GSE1: variants seen among roughly 807,000 people sequenced by gnomAD.
GSE1 encodes Gse1 coiled-coil protein.
Under a neutral mutation model 112.6 loss-of-function variants are expected in GSE1, and 32 were observed. The ratio of observed to expected loss-of-function variants is 0.28; its 90% CI spans 0.21 to 0.38. The LOEUF (loss-of-function observed/expected upper bound fraction) is 0.38, where lower values mean the gene tolerates loss of function less well. GSE1 is among the 10% of genes least tolerant of loss of function. GSE1 has a pLI of 1.00. For missense variants in GSE1, 2,348 were observed against 1,699.2 expected, an observed-to-expected ratio of 1.38 and a Z score of -6.71; for synonymous variants, 1,115 against 735.6, an observed-to-expected ratio of 1.52 and a Z score of -8.35.
intron 1 of GSE1, among the ~76,000 whole-genome samples, chr16:85,304,601 CG>C (rs1290541396): frequency 2.6e-5 from 2 of 78,180 alleles, no homozygotes; most frequent in East Asian, 9.0e-4. Flanking sequence ...AAGCCGGGGG[CG>C]GGGGGGTGGG....
intron 2 of GSE1, among the ~76,000 whole-genome samples, chr16:85,545,827 G>C (rs2044675846): frequency 6.6e-6 from 1 of 152,188 alleles, no homozygotes; most frequent in Admixed American, 6.5e-5. Context: ...CTGTCGCCCA[G>C]GCTGGAGTAC....
intron 2 of GSE1, among the ~76,000 whole-genome samples, chr16:85,546,256 A>G (rs1483299505): frequency 6.6e-6 from 1 of 151,662 alleles, no homozygotes; most frequent in Non-Finnish European, 1.5e-5. Flanking sequence ...AGCTAATTTT[A>G]GTATTTCTTA....
At chr16:85,475,901 G>A (rs1440622618) in intron 2 of GSE1, among the ~76,000 whole-genome samples, 4 of 151,736 alleles carry the variant, frequency 2.6e-5, no homozygotes, top group African/African-American at 9.7e-5. Flanking sequence ...TAGCATTACA[G>A]GTGTGAGCCA....
rs903158700 is a variant in GSE1 at position 85,673,474 on chromosome 16, T to G, written c.*935T>G. 1.5e-5 allele frequency: 2 copies of G among 137,870 alleles called. No homozygotes were observed. Among genetic ancestry groups the G allele is most frequent in the East Asian group, 2.1e-4 (1 of 4,854 alleles). 8.5% of individuals were successfully genotyped at this position (137,870 alleles called of 1,614,324 possible). A position where few individuals can be genotyped will look rare whatever the true frequency, so the allele number is the denominator to read the frequency against. On this transcript the variant is annotated 3_prime_UTR_variant, in exon 16 of 16. Coordinates refer to ENST00000253458, the MANE Select transcript of GSE1 (RefSeq NM_014615.5). The stretch of plus-strand genomic sequence containing the variant: ...TTTTGTTTGTTGTTTTGGTTTTTTT[T>G]GGGCAAAAAAAAAAAAAAAACCTTG...
intron 2 of GSE1, among the ~76,000 whole-genome samples, chr16:85,458,527 G>C (rs2049893592): frequency 6.6e-6 from 1 of 152,220 alleles, no homozygotes; most frequent in African/African-American, 2.4e-5. Flanking sequence ...CAGATGGAGA[G>C]GCTGGTTGAG....
intron 2 of GSE1, among the ~76,000 whole-genome samples, chr16:85,382,113 G>C (rs921505807): frequency 6.6e-6 from 1 of 152,218 alleles, no homozygotes; most frequent in South Asian, 2.1e-4. Context: ...TTGCGGCCCT[G>C]GGCTGGCCGG....
chr16:85,409,367 A>C (rs868383001), intron 2 of GSE1, among the ~76,000 whole-genome samples: 1 of 26,246 alleles, frequency 3.8e-5, no homozygotes, highest in Non-Finnish European at 6.6e-5. Flanking sequence ...TCACTGTTAC[A>C]CTCAGGCCCC....
At position 85,398,882 on chromosome 16, in the gene GSE1, CAT is replaced by C. The variant is rs769635959; in HGVS notation, c.2464+41240_2464+41241del. Among the ~76,000 whole-genome samples, 39 of 152,130 alleles carry C rather than the reference CAT, an allele frequency of 2.6e-4. No homozygotes were observed. The South Asian group carries it at 3.5e-3, about 14-fold the overall frequency. On this transcript the variant is annotated intron_variant, in intron 2 of 2. Transcript: ENST00000637419. ...ATAATGCATGTCGAGTGCGCACCGA[CAT>C]GTGTGGTATGTTTGTGTAGACATGT... is the stretch of plus-strand genomic sequence containing the variant.
chr16:85,639,842 G>A (rs893897614), intron 2 of GSE1, among the ~76,000 whole-genome samples: 51 of 152,358 alleles, frequency 3.3e-4, no homozygotes, highest in African/African-American at 1.2e-3. Context: ...GCAGGCGGCA[G>A]CCTCCCGCAG....
chr16:85,588,094 T>A (rs2046793222), intron 1 of GSE1, among the ~76,000 whole-genome samples: 1 of 152,092 alleles, frequency 6.6e-6, no homozygotes. Context: ...CCCACCCCTT[T>A]GGTGGTGGGC....
At chr16:85,499,259 G>A (rs961275995) in intron 2 of GSE1, among the ~76,000 whole-genome samples, 5 of 150,614 alleles carry the variant, frequency 3.3e-5, no homozygotes, top group African/African-American at 9.8e-5. Flanking sequence ...GCGAGAGGGC[G>A]CCTGCCAGCT....
rs553854708 is a variant in GSE1, at chr16:85,675,723, G to A, written c.*3184G>A. On this transcript the variant is annotated 3_prime_UTR_variant, in exon 16 of 16. Coordinates refer to ENST00000253458, the MANE Select transcript of GSE1 (RefSeq NM_014615.5). ...TCCCTGAGCCACATGTTTCACACAA[G>A]TGTAGAAAATGCCAGGGATCCACCA... 12 of 152,260 alleles carry A rather than the reference G, an allele frequency of 7.9e-5. No individual in the cohort carries two copies. Among genetic ancestry groups the A allele is most frequent in the African/African-American group, 2.9e-4 (12 of 41,466 alleles). 9.4% of individuals were successfully genotyped at this position (152,260 alleles called of 1,614,324 possible).
At chr16:85,484,968 C>G (rs997801078) in intron 2 of GSE1, among the ~76,000 whole-genome samples, 4 of 152,158 alleles carry the variant, frequency 2.6e-5, no homozygotes, top group Non-Finnish European at 5.9e-5. Flanking sequence ...GCCTGCTCAG[C>G]CCTCATTCAG....
At chr16:85,607,452 T>C (rs1196544055), upstream of GSE1, among the ~76,000 whole-genome samples, 1 of 152,228 alleles carries the variant, frequency 6.6e-6, no homozygotes, top group Non-Finnish European at 1.5e-5. Context: ...TGAAAATCTA[T>C]GCAAAACAGC....
chr16:85,463,197 ACCCACCC>A (rs1447979401), intron 2 of GSE1: 1 of 790,838 alleles, frequency 1.3e-6, no homozygotes, highest in Non-Finnish European at 1.5e-6. Context: ...GGGGCGCGCC[ACCCACCC>A]GGGGCTGGAA....
At position 85,221,332 on chromosome 16, in the gene GSE1, A is replaced by ACC. The variant is rs1328328303; in HGVS notation, c.2283+49526_2283+49527insCC. ...AGCGCGCACACACACACACACACAC[A>ACC]CACCCCAAGTACATGCACACACACA... On this transcript the variant is annotated intron_variant, in intron 1 of 2. Coordinates refer to the GSE1 transcript ENST00000637419. Among the ~76,000 whole-genome samples, 452 of 143,128 alleles carry ACC rather than the reference A, an allele frequency of 3.2e-3. 4 individuals carry two copies. The highest frequency in any genetic ancestry group is 0.011 in the African/African-American group (406 of 38,066). 93.9% of individuals were successfully genotyped at this position (143,128 alleles called of 152,430 possible). A position where few individuals can be genotyped will look rare whatever the true frequency, so the allele number is the denominator to read the frequency against.
intron 1 of GSE1, among the ~76,000 whole-genome samples, chr16:85,300,935 T>G (rs1267022171): frequency 6.6e-6 from 1 of 152,006 alleles, no homozygotes; most frequent in Non-Finnish European, 1.5e-5. Flanking sequence ...GACTGGGGGC[T>G]GGAGAAGGGG....
chr16:85,205,565 C>T (rs769895800), intron 1 of GSE1, among the ~76,000 whole-genome samples: 264 of 151,748 alleles, frequency 1.7e-3, no homozygotes, highest in Non-Finnish European at 2.9e-3. Context: ...CTTTTTTTTT[C>T]CTTCCCTAGT....
intron 2 of GSE1, among the ~76,000 whole-genome samples, chr16:85,416,425 G>A (rs1224708502): frequency 3.3e-5 from 5 of 152,114 alleles, no homozygotes; most frequent in Non-Finnish European, 7.3e-5. Context: ...TGGGGCCATG[G>A]GTTCAGAGCG....
Sources: allele counts gnomAD v4.1 joint callset (sites outside exome capture counted in the v4.1 genomes callset), GRCh38; gene constraint gnomAD v4.1.1; transcripts MANE v1.5; gene names NCBI Gene and HGNC (gene_info 2026-07-23, HGNC 2026-07-21).